Variants in ELAPOR2 observed in about 807,000 individuals in gnomAD.
The protein encoded by ELAPOR2 is endosome-lysosome associated apoptosis and autophagy regulator family member 2, also known as endosome/lysosome-associated apoptosis and autophagy regulator family member 2.
In ELAPOR2, 89 loss-of-function variants were observed where a neutral mutation model predicts 120.7. That is an observed-to-expected ratio of 0.74 (90% CI 0.62 to 0.88). The LOEUF is 0.88. ELAPOR2 is among the 40% of genes least tolerant of loss of function. The pLI, the probability that ELAPOR2 is intolerant of heterozygous loss-of-function variation, is 0.00. For synonymous variants in ELAPOR2, 444 were observed against 444.9 expected (o/e 1.00, Z 0.03); for missense variants, 1,134 against 1,251.6 (o/e 0.91, Z 1.42).
At chr7:86,984,480 A>G (rs896156746) in intron 1 of ELAPOR2, among the ~76,000 whole-genome samples, 12 of 152,234 alleles carry the variant, frequency 7.9e-5, no homozygotes, top group African/African-American at 2.2e-4. Context: ...ATCACAACAT[A>G]CTGTCTCCCA....
chr7:87,045,392 A>G (rs916100788), intron 1 of ELAPOR2, among the ~76,000 whole-genome samples: 1 of 150,686 alleles, frequency 6.6e-6, no homozygotes, highest in Non-Finnish European at 1.5e-5. Flanking sequence ...GATTAAGAAA[A>G]TGTGGCACAT....
chr7:86,912,919 C>A (rs759808462), intron 14 of ELAPOR2, 22 bp downstream of exon 14: 2 of 1,609,932 alleles, frequency 1.2e-6, no homozygotes, highest in East Asian at 2.2e-5. Context: ...CATGGGGATA[C>A]CTGAAATGCA....
intron 1 of ELAPOR2, among the ~76,000 whole-genome samples, chr7:87,002,684 C>A (rs1380491633): frequency 1.3e-5 from 2 of 152,108 alleles, no homozygotes. Flanking sequence ...GGAAGCCCAC[C>A]AATGCCTCCC....
At chr7:86,895,703 G>C (rs1366941938) in intron 19 of ELAPOR2, among the ~76,000 whole-genome samples, 1 of 152,084 alleles carries the variant, frequency 6.6e-6, no homozygotes, top group African/African-American at 2.4e-5. Context: ...CAAATTTACT[G>C]TCTTAACCTT....
intron 1 of ELAPOR2, among the ~76,000 whole-genome samples, chr7:87,053,347 T>G (rs1271990549): frequency 3.3e-5 from 5 of 152,224 alleles, no homozygotes; most frequent in Admixed American, 3.3e-4. Context: ...ATACAATCCT[T>G]GCCCTCAATG....
At chr7:87,017,420 CT>C (rs1262572887) in intron 1 of ELAPOR2, among the ~76,000 whole-genome samples, 1 of 152,054 alleles carries the variant, frequency 6.6e-6, no homozygotes, top group African/African-American at 2.4e-5. Flanking sequence ...ACATCTGCCC[CT>C]GACTTGGAAA....
At chr7:86,969,353 C>T (rs1792026932) in intron 1 of ELAPOR2, among the ~76,000 whole-genome samples, 1 of 152,004 alleles carries the variant, frequency 6.6e-6, no homozygotes, top group South Asian at 2.1e-4. Context: ...AAAATATAGA[C>T]TAGATAATTT....
chr7:87,015,425 T>C (rs1793835422), intron 1 of ELAPOR2, among the ~76,000 whole-genome samples: 1 of 152,342 alleles, frequency 6.6e-6, no homozygotes, highest in Non-Finnish European at 1.5e-5. Flanking sequence ...ATAAACTATT[T>C]TTAATTCCTC....
chr7:87,012,125 T>A (rs1208179467), intron 1 of ELAPOR2, among the ~76,000 whole-genome samples: 1 of 152,144 alleles, frequency 6.6e-6, no homozygotes, highest in East Asian at 1.9e-4. Context: ...AAGTGGTCAA[T>A]ATCTGGCCGG....
At chr7:86,902,138 G>T (rs1330516329) in intron 18 of ELAPOR2, among the ~76,000 whole-genome samples, 2 of 152,018 alleles carry the variant, frequency 1.3e-5, no homozygotes, top group African/African-American at 2.4e-5. Flanking sequence ...TGTGGTGGAA[G>T]GGGCTAGCTA....
At chr7:86,923,592 A>G (rs963120807) in intron 10 of ELAPOR2, among the ~76,000 whole-genome samples, 1 of 151,998 alleles carries the variant, frequency 6.6e-6, no homozygotes, top group South Asian at 2.1e-4. Flanking sequence ...ATTTTTCTTT[A>G]CATCACACTG....
At chr7:86,912,422 A>C (rs2116088606) in intron 14 of ELAPOR2, among the ~76,000 whole-genome samples, 177 bp from the exon 15 acceptor site, 1 of 150,852 alleles carries the variant, frequency 6.6e-6, no homozygotes, top group East Asian at 1.9e-4. Context: ...TTTCTAAACA[A>C]AGTTCAGAAA....
chr7:86,962,234 T>C (rs1791742396), intron 2 of ELAPOR2, among the ~76,000 whole-genome samples: 1 of 152,160 alleles, frequency 6.6e-6, no homozygotes, highest in African/African-American at 2.4e-5. Flanking sequence ...CTATAATCCT[T>C]TTCCTCAGGA....
chr7:86,993,306 GA>G (rs1306585946), intron 1 of ELAPOR2, among the ~76,000 whole-genome samples: 2 of 151,066 alleles, frequency 1.3e-5, no homozygotes, highest in Non-Finnish European at 3.0e-5. Flanking sequence ...AAAATGAAGT[GA>G]CTGGAACCCA....
At chr7:86,925,084 T>C (rs912216078) in intron 10 of ELAPOR2, among the ~76,000 whole-genome samples, 2 of 152,026 alleles carry the variant, frequency 1.3e-5, no homozygotes, top group East Asian at 3.9e-4. Flanking sequence ...AGAATTCATA[T>C]ATACTTTGTA....
At chr7:86,941,490 T>G in intron 5 of ELAPOR2, 1 of 443,800 alleles carries the variant, frequency 2.3e-6, no homozygotes, top group Non-Finnish European at 4.8e-6. Flanking sequence ...TCCAAAGAGA[T>G]ATTTTGTGAT....
At chr7:86,995,563 T>C (rs978630404) in intron 1 of ELAPOR2, among the ~76,000 whole-genome samples, 5 of 152,192 alleles carry the variant, frequency 3.3e-5, no homozygotes, top group South Asian at 2.1e-4. Flanking sequence ...GCAAGCTATA[T>C]GATGCAATAA....
intron 1 of ELAPOR2, among the ~76,000 whole-genome samples, chr7:87,019,355 T>G (rs796659693): frequency 3.3e-4 from 50 of 152,158 alleles, no homozygotes; most frequent in Middle Eastern, 3.4e-3. Context: ...TGTAGAGACC[T>G]CATTTCAGAT....
At chr7:87,023,402 C>G (rs1407788572) in intron 1 of ELAPOR2, among the ~76,000 whole-genome samples, 1 of 152,156 alleles carries the variant, frequency 6.6e-6, no homozygotes, top group African/African-American at 2.4e-5. Flanking sequence ...TCTGAGGGCT[C>G]TGTTCTGTTC....
Sources: allele counts gnomAD v4.1 joint callset (sites outside exome capture counted in the v4.1 genomes callset), GRCh38; gene constraint gnomAD v4.1.1; transcripts MANE v1.5; gene names NCBI Gene and HGNC (gene_info 2026-07-23, HGNC 2026-07-21).